CRB1: variants seen among roughly 807,000 people sequenced by gnomAD.
The protein encoded by CRB1 is crumbs cell polarity complex component 1, also known as protein crumbs homolog 1.
CRB1 carries 83 observed loss-of-function variants against 120.0 expected under a neutral mutation model. The observed-to-expected ratio is 0.69, with a 90% CI of 0.58 to 0.83. The LOEUF is 0.83. Among genes scored for constraint, CRB1 ranks in the 40% least tolerant of loss-of-function variants. The pLI is 0.00. For missense variants in CRB1, 1,699 were observed against 1,687.6 expected (o/e 1.01, Z -0.12); for synonymous variants, 625 against 612.5 (o/e 1.02, Z -0.30).
At chr1:197,222,854 G>C in the CRB1 span, 2 of 1,513,916 alleles carry the variant, frequency 1.3e-6, no homozygotes, top group East Asian at 2.3e-5. Context: ...ATTCACTGGA[G>C]CTGGCAGGTT....
intron 1 of CRB1, among the ~76,000 whole-genome samples, chr1:197,278,561 G>C (rs1029122359): frequency 2.0e-5 from 3 of 151,858 alleles, no homozygotes; most frequent in African/African-American, 7.2e-5. Flanking sequence ...GCTCTTAAAA[G>C]CTTCAGCTCA....
intron 5 of CRB1, among the ~76,000 whole-genome samples, chr1:197,378,553 T>A (rs1661769842): frequency 6.6e-6 from 1 of 152,194 alleles, no homozygotes; most frequent in African/African-American, 2.4e-5. Context: ...CTAGACCTAC[T>A]TTTGATGCCT....
At chr1:197,448,769 C>T (rs1336524021) in intron 11 of CRB1, among the ~76,000 whole-genome samples, 1 of 152,120 alleles carries the variant, frequency 6.6e-6, no homozygotes, top group Non-Finnish European at 1.5e-5. Context: ...TTTTGTACTT[C>T]TTTTTCTAGT....
At chr1:197,287,698 C>T (rs1050849488) in intron 1 of CRB1, among the ~76,000 whole-genome samples, 3 of 151,774 alleles carry the variant, frequency 2.0e-5, no homozygotes, top group Non-Finnish European at 4.4e-5. Context: ...AATTATTCTA[C>T]TCATGAAGGA....
intron 5 of CRB1, among the ~76,000 whole-genome samples, chr1:197,412,010 T>G (rs1026071671): frequency 6.6e-6 from 1 of 152,196 alleles, no homozygotes; most frequent in African/African-American, 2.4e-5. Context: ...CAAGTCCTAT[T>G]GACCAGGATT....
At chr1:197,298,336 G>C (rs1656660636) in intron 1 of CRB1, among the ~76,000 whole-genome samples, 1 of 152,076 alleles carries the variant, frequency 6.6e-6, no homozygotes, top group South Asian at 2.1e-4. Flanking sequence ...TATGGATGTA[G>C]ATAAGTCTAT....
chr1:197,222,665 A>C, the CRB1 span: 13 of 781,424 alleles, frequency 1.7e-5, no homozygotes, highest in Non-Finnish European at 3.1e-5. Flanking sequence ...TCACCTTAGG[A>C]CAGCTCCATA....
intron 1 of CRB1, among the ~76,000 whole-genome samples, chr1:197,269,048 C>T (rs1045065268): frequency 6.6e-6 from 1 of 152,068 alleles, no homozygotes; most frequent in African/African-American, 2.4e-5. Flanking sequence ...TATTATTTTC[C>T]ACAAACTTCC....
the CRB1 span, among the ~76,000 whole-genome samples, chr1:197,251,282 C>T: frequency 6.6e-6 from 1 of 151,938 alleles, no homozygotes; most frequent in Non-Finnish European, 1.5e-5. Context: ...ATGCTGAGCA[C>T]ATAATAAGCA....
intron 11 of CRB1, among the ~76,000 whole-genome samples, chr1:197,451,660 T>A (rs960058098): frequency 3.3e-5 from 5 of 152,242 alleles, no homozygotes; most frequent in African/African-American, 4.8e-5. Context: ...CTGAGCAAAC[T>A]TAGAGGTCTA....
At chr1:197,430,733 G>T (rs1249316847) in intron 8 of CRB1, among the ~76,000 whole-genome samples, 1 of 151,850 alleles carries the variant, frequency 6.6e-6, no homozygotes, top group Non-Finnish European at 1.5e-5. Flanking sequence ...TGATATATTT[G>T]TCTATCATCT....
chr1:197,275,239 A>G (rs1292165802), intron 1 of CRB1, among the ~76,000 whole-genome samples: 1 of 152,088 alleles, frequency 6.6e-6, no homozygotes, highest in Non-Finnish European at 1.5e-5. Context: ...TTTACAAATA[A>G]GGGCACATTC....
chr1:197,348,070 A>G (rs1659878748), intron 4 of CRB1, among the ~76,000 whole-genome samples: 1 of 152,222 alleles, frequency 6.6e-6, no homozygotes, highest in Non-Finnish European at 1.5e-5. Context: ...TGCCTGACAT[A>G]CAGCTTTGCA....
At chr1:197,438,470 C>T (rs980422669) in intron 9 of CRB1, 77 bp from the exon 10 acceptor site, 1 of 1,569,712 alleles carries the variant, frequency 6.4e-7, no homozygotes, top group Admixed American at 1.7e-5. Context: ...TGACTACATA[C>T]ATGAATTTAT....
chr1:197,444,733 T>C (rs1665617111), intron 11 of CRB1: 1 of 152,210 alleles, frequency 6.6e-6, no homozygotes, highest in Non-Finnish European at 1.5e-5. Flanking sequence ...TTTTCCCTTT[T>C]CTTTTTATTC....
intron 5 of CRB1, among the ~76,000 whole-genome samples, chr1:197,413,150 C>A (rs1394720754): frequency 6.6e-6 from 1 of 152,174 alleles, no homozygotes; most frequent in Non-Finnish European, 1.5e-5. Flanking sequence ...TGAAACCTCT[C>A]TAGGTCCTCA....
chr1:197,363,688 C>T, intron 5 of CRB1: 1 of 355,274 alleles, frequency 2.8e-6, no homozygotes, highest in Non-Finnish European at 5.4e-6. Context: ...TCCCAACTCC[C>T]AACCCAAGCC....
At chr1:197,442,621 A>G in intron 11 of CRB1, 1 of 1,135,538 alleles carries the variant, frequency 8.8e-7, no homozygotes, top group Non-Finnish European at 1.2e-6. Flanking sequence ...ATATGAAAAA[A>G]GTGTTCTTAA....
At chr1:197,235,897 A>T in the CRB1 span, among the ~76,000 whole-genome samples, 1 of 152,034 alleles carries the variant, frequency 6.6e-6, no homozygotes, top group Admixed American at 6.5e-5. Context: ...ATCTACCATG[A>T]TCCCATCCTG....
Sources: gnomAD v4.1 joint callset for allele counts (sites outside exome capture counted in the v4.1 genomes callset) on GRCh38, gnomAD v4.1.1 for gene constraint, MANE v1.5 for transcripts, NCBI Gene and HGNC (gene_info 2026-07-23, HGNC 2026-07-21) for gene names.